The following SNRPN variants were observed in gnomAD, a reference collection of about 807,000 sequenced individuals.
SNRPN encodes the protein small nuclear ribonucleoprotein-associated protein N.
SNRPN carries 7 observed loss-of-function variants against 25.2 expected under a neutral mutation model. The ratio of observed to expected loss-of-function variants is 0.28; its 90% confidence interval spans 0.16 to 0.52. The LOEUF (loss-of-function observed/expected upper bound fraction) is 0.52. Ranked by LOEUF, SNRPN falls within the 20% of genes least tolerant of loss-of-function variation. The pLI is 0.96. For synonymous variants in SNRPN, 124 were observed against 110.6 expected (o/e 1.12, Z -0.76); for missense variants, 196 against 322.5 (o/e 0.61, Z 3.00).
At chr15:24,831,611 A>G (rs1188398626) in intron 2 of SNRPN, among the ~76,000 whole-genome samples, 2 of 151,924 alleles carry the variant, frequency 1.3e-5, no homozygotes, top group Non-Finnish European at 2.9e-5. Flanking sequence ...CCCATTCACA[A>G]TCATCTACCC....
chr15:24,943,810 G>A (rs1038703661), intron 3 of SNRPN, among the ~76,000 whole-genome samples: 2 of 151,860 alleles, frequency 1.3e-5, no homozygotes, highest in Non-Finnish European at 2.9e-5. Flanking sequence ...AGCATTATTG[G>A]TTCTTTTTTT....
At chr15:24,871,094 G>GCTGGTCTCAAATAC (rs2055072809) in intron 1 of SNRPN, among the ~76,000 whole-genome samples, 1 of 151,866 alleles carries the variant, frequency 6.6e-6, no homozygotes. Flanking sequence ...TGTTGGCCAA[G>GCTGGTCTCAAATAC]CTGGTCTCAA....
At chr15:24,866,056 T>G (rs1359766076) in intron 1 of SNRPN, among the ~76,000 whole-genome samples, 1 of 152,190 alleles carries the variant, frequency 6.6e-6, no homozygotes, top group Non-Finnish European at 1.5e-5. Flanking sequence ...TGCTACATGT[T>G]AGAATTATTA....
At chr15:24,978,146 T>A in intron 8 of SNRPN, 47 bp from the exon 9 acceptor site, 1 of 1,591,836 alleles carries the variant, frequency 6.3e-7, no homozygotes, top group African/African-American at 1.3e-5. Flanking sequence ...TTCTAACTTT[T>A]CTAAGCCATT....
intron 1 of SNRPN, among the ~76,000 whole-genome samples, chr15:24,859,105 C>A (rs2053740037): frequency 6.6e-6 from 1 of 152,112 alleles, no homozygotes; most frequent in Non-Finnish European, 1.5e-5. Flanking sequence ...GCGACCTGAC[C>A]TCCACCAATG....
At chr15:24,863,324 G>T (rs746990826) in intron 1 of SNRPN, among the ~76,000 whole-genome samples, 1 of 150,756 alleles carries the variant, frequency 6.6e-6, no homozygotes, top group Non-Finnish European at 1.5e-5. Flanking sequence ...GATAAGGGGG[G>T]TTCCCAGCTG....
chr15:24,881,545 GAGA>G, intron 1 of SNRPN, among the ~76,000 whole-genome samples: 1 of 63,698 alleles, frequency 1.6e-5, no homozygotes, highest in African/African-American at 6.4e-5. Flanking sequence ...GAGAGAGAGA[GAGA>G]GAGAGAGGGA....
At chr15:24,874,949 T>G (rs1382091375) in intron 1 of SNRPN, among the ~76,000 whole-genome samples, 1 of 152,170 alleles carries the variant, frequency 6.6e-6, no homozygotes, top group African/African-American at 2.4e-5. Flanking sequence ...GATATAAGAC[T>G]AATACCTGCA....
At chr15:24,956,704 G>A (rs982627233) in intron 1 of SNRPN, among the ~76,000 whole-genome samples, 2 of 152,224 alleles carry the variant, frequency 1.3e-5, no homozygotes, top group African/African-American at 4.8e-5. Context: ...CAGTAGAGGG[G>A]GGAGGAGGGA....
intron 2 of SNRPN, among the ~76,000 whole-genome samples, chr15:24,897,442 C>T (rs768825876): frequency 6.6e-6 from 1 of 152,046 alleles, no homozygotes; most frequent in Non-Finnish European, 1.5e-5. Context: ...AAAAATTAGC[C>T]GAGTGTGGTG....
At chr15:24,976,438 A>G in intron 6 of SNRPN, 22 bp downstream of exon 6, 1 of 1,496,168 alleles carries the variant, frequency 6.7e-7, no homozygotes, top group Non-Finnish European at 9.3e-7. Context: ...GTAGGGCAGG[A>G]CAGAACTTTA....
At chr15:24,922,028 CG>C (rs1323501871) in intron 3 of SNRPN, among the ~76,000 whole-genome samples, 1 of 140,098 alleles carries the variant, frequency 7.1e-6, no homozygotes, top group Non-Finnish European at 1.5e-5. Flanking sequence ...GTGAAACCTC[CG>C]TCTCTACTAA....
intron 3 of SNRPN, among the ~76,000 whole-genome samples, chr15:24,969,903 C>G (rs1007578507): frequency 2.0e-5 from 3 of 152,100 alleles, no homozygotes; most frequent in Non-Finnish European, 4.4e-5. Context: ...ATTGGTGCTA[C>G]GGTGGTGCAG....
intron 2 of SNRPN, among the ~76,000 whole-genome samples, chr15:24,913,959 C>G (rs1036152230): frequency 2.0e-5 from 3 of 152,070 alleles, no homozygotes; most frequent in Admixed American, 2.0e-4. Flanking sequence ...TACGGAAAGG[C>G]AAATAAATTG....
chr15:24,829,529 G>A (rs934477477), intron 1 of SNRPN, among the ~76,000 whole-genome samples: 2 of 152,104 alleles, frequency 1.3e-5, no homozygotes, highest in Non-Finnish European at 2.9e-5. Context: ...CTGGGCATGG[G>A]GGTGAGGGTG....
intron 2 of SNRPN, among the ~76,000 whole-genome samples, chr15:24,967,475 A>C (rs1282874933): frequency 6.6e-6 from 1 of 151,948 alleles, no homozygotes; most frequent in Admixed American, 6.6e-5. Context: ...CCCCATCTCT[A>C]CTAAAAATAC....
chr15:24,862,891 G>A (rs2054124434), intron 1 of SNRPN, among the ~76,000 whole-genome samples: 2 of 150,668 alleles, frequency 1.3e-5, no homozygotes, highest in South Asian at 4.2e-4. Flanking sequence ...TGGGTTGGAA[G>A]GATCGCTGGG....
intron 2 of SNRPN, among the ~76,000 whole-genome samples, chr15:24,840,414 G>A (rs1290021106): frequency 6.6e-6 from 1 of 152,176 alleles, no homozygotes; most frequent in African/African-American, 2.4e-5. Context: ...GGCAACTTAT[G>A]TGTCCAAGAT....
At chr15:24,881,562 AGGGAGGGAGGGAGGGAGG>A in intron 1 of SNRPN, among the ~76,000 whole-genome samples, 1 of 34,804 alleles carries the variant, frequency 2.9e-5, no homozygotes, top group Non-Finnish European at 6.4e-5. Flanking sequence ...AGAGGGAGGG[AGGGAGGGAGGGAGGGAGG>A]GAGGGAGAGA....
Sources: allele counts gnomAD v4.1 joint callset (sites outside exome capture counted in the v4.1 genomes callset), GRCh38; gene constraint gnomAD v4.1.1; transcripts MANE v1.5; gene names NCBI Gene and HGNC (gene_info 2026-07-23, HGNC 2026-07-21).